The following PUDP variants were observed in gnomAD, a reference collection of about 807,000 sequenced individuals.
PUDP encodes pseudouridine-5'-phosphatase.
A neutral mutation model predicts 9.4 loss-of-function variants in PUDP; 8 were observed. That is an observed-to-expected ratio of 0.85 (90% confidence interval 0.50 to 1.53). The LOEUF is 1.53. Among genes scored for constraint, PUDP ranks in the 40% most tolerant of loss-of-function variants. The pLI is 0.00. For missense variants in PUDP, 188 were observed against 189.7 expected (o/e 0.99, Z 0.05); for synonymous variants, 99 against 80.7 (o/e 1.23, Z -1.22).
rs182084948 is a variant in PUDP, at chrX:6,750,382, A to G, written c.*248-43916T>C. ...GGTACCTTTGGAAATAGGACTTTGG[A>G]TGAATTGTGTGTGTGTGTGTGTCTG... On this transcript the variant is annotated intron_variant and NMD_transcript_variant, in intron 3 of 3. Coordinates refer to the PUDP transcript ENST00000655425. Among the ~76,000 whole-genome samples, 583 of 110,871 alleles carry G rather than the reference A, an allele frequency of 5.3e-3. 4 individuals carry two copies. Among genetic ancestry groups the G allele is most frequent in the Middle Eastern group, 0.042 (9 of 216 alleles).
chrX:6,720,684 A>G (rs1387158816), intron 1 of PUDP, among the ~76,000 whole-genome samples: 1 of 110,001 alleles, frequency 9.1e-6, no homozygotes, highest in African/African-American at 3.3e-5. Flanking sequence ...AATAATAATA[A>G]TAATAACTAT....
intron 1 of PUDP, among the ~76,000 whole-genome samples, chrX:7,143,156 C>T (rs1172696819): frequency 9.1e-6 from 1 of 109,547 alleles, no homozygotes; most frequent in Non-Finnish European, 1.9e-5. Flanking sequence ...TTTTTTAAAG[C>T]AATAAAATGT....
At chrX:7,130,374 C>A (rs1353176997) in intron 1 of PUDP, among the ~76,000 whole-genome samples, 1 of 109,852 alleles carries the variant, frequency 9.1e-6, no homozygotes, top group Non-Finnish European at 1.9e-5. Context: ...ACATACTACA[C>A]ACACACACAC....
chrX:6,855,271 C>T (rs928533088), intron 3 of PUDP, among the ~76,000 whole-genome samples: 3 of 111,920 alleles, frequency 2.7e-5, no homozygotes, highest in African/African-American at 6.5e-5. Flanking sequence ...TGCAATAATG[C>T]GGTATATAGT....
intron 3 of PUDP, among the ~76,000 whole-genome samples, chrX:6,876,122 G>A (rs1927247906): frequency 8.9e-6 from 1 of 111,893 alleles, no homozygotes; most frequent in Admixed American, 9.5e-5. Context: ...TATGCATTCA[G>A]TAAAAACTAT....
rs180913798 is a variant in PUDP at position 7,088,678 on chromosome X, T to A, written c.281-11229A>T. ...CATGGGATACATGTGAGTGTCCTTG[T>A]GTTCCAGATTTGCCACTGTAACAAT... On this transcript the variant is annotated intron_variant, in intron 2 of 3. Transcript: ENST00000381077. 1.2e-4 allele frequency among the ~76,000 whole-genome samples: 13 copies of A among 112,515 alleles called. No individual in the cohort carries two copies. The East Asian group carries it at 3.6e-3, about 31-fold the overall frequency.
intron 3 of PUDP, among the ~76,000 whole-genome samples, chrX:7,066,063 C>T (rs753760719): frequency 1.8e-5 from 2 of 112,091 alleles, no homozygotes; most frequent in East Asian, 5.6e-4. Flanking sequence ...ACTGGTAATG[C>T]AGGACCAACG....
At chrX:6,734,511 G>A (rs982513852) in intron 3 of PUDP, among the ~76,000 whole-genome samples, 2 of 111,847 alleles carry the variant, frequency 1.8e-5, no homozygotes, top group Non-Finnish European at 3.8e-5. Flanking sequence ...GCTGGCTCAC[G>A]CCTGTAATCC....
At chrX:6,874,798 C>T (rs6638631) in intron 3 of PUDP, among the ~76,000 whole-genome samples, 47,752 of 110,932 alleles carry the variant, frequency 0.43, 8,631 homozygotes, top group Non-Finnish European at 0.57. Flanking sequence ...TTGGGAAACT[C>T]AAGCAATGTT....
intron 3 of PUDP, among the ~76,000 whole-genome samples, chrX:6,955,660 T>C (rs5934849): frequency 0.31 from 34,397 of 110,813 alleles, 4,579 homozygotes; most frequent in Non-Finnish European, 0.41. Flanking sequence ...CTAAAACATA[T>C]TGCTTAACCA....
chrX:6,840,881 C>T (rs1602641449), intron 3 of PUDP, among the ~76,000 whole-genome samples: 1 of 110,764 alleles, frequency 9.0e-6, no homozygotes, highest in African/African-American at 3.3e-5. Context: ...ACTCTCTGTA[C>T]CTTCCTCTCA....
intron 3 of PUDP, among the ~76,000 whole-genome samples, chrX:6,750,786 A>T (rs1196759518): frequency 8.9e-6 from 1 of 112,023 alleles, no homozygotes; most frequent in Non-Finnish European, 1.9e-5. Context: ...TGAAGGATAT[A>T]CAAAGATGAT....
At chrX:6,960,696 T>C (rs1928694233) in intron 3 of PUDP, among the ~76,000 whole-genome samples, 1 of 112,248 alleles carries the variant, frequency 8.9e-6, no homozygotes, top group Non-Finnish European at 1.9e-5. Flanking sequence ...AGGGAATTGA[T>C]TACACAGGTG....
At chrX:6,911,150 A>AT (rs758224275) in intron 3 of PUDP, among the ~76,000 whole-genome samples, 2 of 108,765 alleles carry the variant, frequency 1.8e-5, no homozygotes, top group Admixed American at 1.9e-4. Flanking sequence ...ATAAACTTTC[A>AT]TTTTTTTAAT....
Position 7,049,585 on chromosome X carries a change from C to T in PUDP, c.*711G>A, listed in dbSNP as rs1324375037. ...ACAGAGTCAGTCAATGAGGAAAGAT[C>T]CAGAGACATTCTGAGGTCACAAAAA... On this transcript the variant is annotated 3_prime_UTR_variant, in exon 4 of 4. Coordinates refer to ENST00000381077, the MANE Select transcript of PUDP (RefSeq NM_012080.5). 8.9e-6 allele frequency: 1 copy of T among 111,745 alleles called. No homozygotes were observed. Among genetic ancestry groups the T allele is most frequent in the Non-Finnish European group, 1.9e-5 (1 of 53,095 alleles). The allele number at this position is 111,745 out of a possible 1,213,427, so 9.2% of individuals were successfully genotyped here.
rs1026951130 is a variant in PUDP at position 6,948,367 on chromosome X, T to C, written c.*247+28766A>G. Among the ~76,000 whole-genome samples, 36 of 111,951 alleles carry C rather than the reference T, an allele frequency of 3.2e-4. No homozygotes were observed. The Admixed American group carries it at 3.2e-3, about 10-fold the overall frequency. ...GGCTGAGAGATTGAGACACTGCCCTTCCAGCCCCTCAGTCAGACTCCTAAA... is the reference window on the plus strand; with the variant it reads ...GGCTGAGAGATTGAGACACTGCCCTCCCAGCCCCTCAGTCAGACTCCTAAA... On this transcript the variant is annotated intron_variant and NMD_transcript_variant, in intron 3 of 3. Transcript: ENST00000655425.
intron 3 of PUDP, among the ~76,000 whole-genome samples, chrX:6,733,277 G>A (rs960818761): frequency 6.3e-5 from 7 of 111,942 alleles, no homozygotes; most frequent in Non-Finnish European, 1.3e-4. Context: ...AGTCTGCTCG[G>A]GAGAGGCACG....
At chrX:6,875,326 G>C (rs1927236785) in intron 3 of PUDP, among the ~76,000 whole-genome samples, 1 of 111,704 alleles carries the variant, frequency 9.0e-6, no homozygotes, top group Admixed American at 9.5e-5. Context: ...GCTGGCATTA[G>C]AGGCATGAGC....
At chrX:6,968,212 C>A (rs933184655) in intron 3 of PUDP, among the ~76,000 whole-genome samples, 2 of 112,335 alleles carry the variant, frequency 1.8e-5, no homozygotes, top group South Asian at 7.4e-4. Context: ...TTGGCCCCTA[C>A]ACCCCACACA....
Sources: gnomAD v4.1 joint callset for allele counts (sites outside exome capture counted in the v4.1 genomes callset) on GRCh38, gnomAD v4.1.1 for gene constraint, MANE v1.5 for transcripts, NCBI Gene and HGNC (gene_info 2026-07-23, HGNC 2026-07-21) for gene names.